SNTG1: variants seen among roughly 807,000 people sequenced by gnomAD.
SNTG1 encodes syntrophin gamma 1.
Under a neutral mutation model 74.7 loss-of-function variants are expected in SNTG1, and 39 were observed. That is an observed-to-expected ratio of 0.52 (90% CI 0.40 to 0.68). The LOEUF (loss-of-function observed/expected upper bound fraction) is 0.68. Among genes scored for constraint, SNTG1 ranks in the 30% least tolerant of loss-of-function variants. The pLI is 0.00. For synonymous variants in SNTG1, 254 were observed against 217.1 expected (o/e 1.17, Z -1.49); for missense variants, 685 against 609.5 (o/e 1.12, Z -1.30).
intron 2 of SNTG1, among the ~76,000 whole-genome samples, chr8:50,346,763 T>A (rs1319123719): frequency 6.6e-6 from 1 of 152,248 alleles, no homozygotes; most frequent in Non-Finnish European, 1.5e-5. Flanking sequence ...AAAGCATTAG[T>A]GATCTGTGTA....
At chr8:50,193,639 T>C (rs1264914521) in intron 2 of SNTG1, among the ~76,000 whole-genome samples, 1 of 152,146 alleles carries the variant, frequency 6.6e-6, no homozygotes, top group Admixed American at 6.6e-5. Context: ...GACTTCCTCT[T>C]TGCCAATGTG....
At chr8:50,161,030 A>G (rs1050192260) in intron 1 of SNTG1, among the ~76,000 whole-genome samples, 3 of 152,196 alleles carry the variant, frequency 2.0e-5, no homozygotes, top group Non-Finnish European at 4.4e-5. Context: ...GAATAGTAAA[A>G]TAGAGAAGAT....
At chr8:50,024,633 T>G (rs1250366536) in intron 1 of SNTG1, among the ~76,000 whole-genome samples, 1 of 152,176 alleles carries the variant, frequency 6.6e-6, no homozygotes, top group Non-Finnish European at 1.5e-5. Context: ...CATGTATATC[T>G]GTGATAAAGT....
At chr8:50,308,328 G>A (rs1057046458) in intron 2 of SNTG1, among the ~76,000 whole-genome samples, 2 of 151,970 alleles carry the variant, frequency 1.3e-5, no homozygotes, top group African/African-American at 4.8e-5. Flanking sequence ...TTCCATAGTC[G>A]TGAGAGGCTT....
rs1209501360 is a variant in SNTG1 at position 50,473,657 on chromosome 8, G to A, written c.363+22928G>A. Among the ~76,000 whole-genome samples the A allele has an allele frequency of 2.6e-5, 4 of 152,192 alleles. No individual in the cohort carries two copies. In the East Asian group the frequency reaches 5.8e-4, roughly 22 times the overall value. ...TTTTTCACAATAACCAAGAAGTGGT[G>A]GCAATCCAAATGTTCATTAACAGAT... On this transcript the variant is annotated intron_variant, in intron 8 of 18. Coordinates refer to ENST00000642720, the MANE Select transcript of SNTG1 (RefSeq NM_018967.5).
chr8:50,081,220 C>T (rs976313585), intron 1 of SNTG1, among the ~76,000 whole-genome samples: 2 of 151,926 alleles, frequency 1.3e-5, no homozygotes, highest in African/African-American at 2.4e-5. Flanking sequence ...TTAAGTTTTG[C>T]TGGTTATAAA....
At chr8:50,324,453 G>A (rs142442314) in intron 2 of SNTG1, among the ~76,000 whole-genome samples, 2 of 152,228 alleles carry the variant, frequency 1.3e-5, no homozygotes, top group African/African-American at 4.8e-5. Flanking sequence ...CATGATTTTC[G>A]GTTCTTGTAA....
intron 17 of SNTG1, among the ~76,000 whole-genome samples, chr8:50,722,552 A>G (rs550424800): frequency 3.3e-5 from 5 of 152,252 alleles, no homozygotes; most frequent in Non-Finnish European, 5.9e-5. Flanking sequence ...ATTCCTTCAA[A>G]TAAGATTTAT....
At chr8:50,143,375 A>T (rs1052436741) in intron 1 of SNTG1, among the ~76,000 whole-genome samples, 1 of 152,212 alleles carries the variant, frequency 6.6e-6, no homozygotes, top group African/African-American at 2.4e-5. Flanking sequence ...CTCCCTTGGC[A>T]TTAAAATACT....
At chr8:50,259,247 C>T (rs1409609766) in intron 2 of SNTG1, among the ~76,000 whole-genome samples, 2 of 151,804 alleles carry the variant, frequency 1.3e-5, no homozygotes, top group African/African-American at 4.8e-5. Context: ...ACCTGTAATC[C>T]CAGCAGTTTG....
At position 50,509,319 on chromosome 8, in the gene SNTG1, T is replaced by C. The variant is rs541846840; in HGVS notation, c.466+6439T>C. ...ACCAGTACCATGCTGTTTTGGTTAC[T>C]GTAGCCTTGTAGTTTGAAGTCAGGT... On this transcript the variant is annotated intron_variant, in intron 9 of 18. Transcript: ENST00000642720. Among the ~76,000 whole-genome samples, 188 of 152,318 alleles carry C rather than the reference T, an allele frequency of 1.2e-3. 1 individual carries two copies. Among genetic ancestry groups the C allele is most frequent in the South Asian group, 9.7e-3 (47 of 4,828 alleles).
intron 1 of SNTG1, among the ~76,000 whole-genome samples, chr8:50,051,412 T>C (rs553182696): frequency 6.6e-6 from 1 of 152,180 alleles, no homozygotes; most frequent in Admixed American, 6.6e-5. Flanking sequence ...GACAGCAGCA[T>C]AAAAATAATA....
intron 2 of SNTG1, among the ~76,000 whole-genome samples, chr8:50,275,589 T>C (rs1455215844): frequency 6.6e-6 from 1 of 152,252 alleles, no homozygotes; most frequent in Non-Finnish European, 1.5e-5. Context: ...CATGAGGTGA[T>C]TTTTCTCTAT....
intron 3 of SNTG1, among the ~76,000 whole-genome samples, chr8:50,397,012 G>T (rs1304725350): frequency 6.6e-6 from 1 of 152,188 alleles, no homozygotes; most frequent in Non-Finnish European, 1.5e-5. Context: ...CAATTAGGAA[G>T]TATTGCTTTT....
chr8:49,980,414 C>T (rs915420718), intron 1 of SNTG1, among the ~76,000 whole-genome samples: 2 of 145,142 alleles, frequency 1.4e-5, no homozygotes, highest in African/African-American at 2.5e-5. Flanking sequence ...TGTAAGTACA[C>T]AAAATGCCCT....
chr8:49,960,831 C>G (rs1349787799), intron 1 of SNTG1, among the ~76,000 whole-genome samples: 1 of 152,096 alleles, frequency 6.6e-6, no homozygotes, highest in Non-Finnish European at 1.5e-5. Context: ...TGCCCTCCTC[C>G]TCCTCTCTTT....
At chr8:50,266,817 G>A (rs973081336) in intron 2 of SNTG1, among the ~76,000 whole-genome samples, 1 of 151,718 alleles carries the variant, frequency 6.6e-6, no homozygotes, top group African/African-American at 2.4e-5. Context: ...CCGGTTTTGA[G>A]CCACAGTGCT....
intron 13 of SNTG1, among the ~76,000 whole-genome samples, chr8:50,594,375 C>T (rs1205663174): frequency 6.6e-6 from 1 of 151,952 alleles, no homozygotes; most frequent in African/African-American, 2.4e-5. Flanking sequence ...CTGGGAGTAA[C>T]ATTATAAAGT....
At chr8:50,331,126 C>T (rs1191808998) in intron 2 of SNTG1, among the ~76,000 whole-genome samples, 3 of 151,942 alleles carry the variant, frequency 2.0e-5, no homozygotes, top group Non-Finnish European at 4.4e-5. Context: ...TGTGTATGTG[C>T]ACATTTGTAC....
Sources: gnomAD v4.1 joint callset for allele counts (sites outside exome capture counted in the v4.1 genomes callset) on GRCh38, gnomAD v4.1.1 for gene constraint, MANE v1.5 for transcripts, NCBI Gene and HGNC (gene_info 2026-07-23, HGNC 2026-07-21) for gene names.